PTCD3: variants seen among roughly 807,000 people sequenced by gnomAD.
PTCD3 encodes the protein pentatricopeptide repeat domain 3.
PTCD3 carries 89 observed loss-of-function variants against 101.9 expected under a neutral mutation model. That is an observed-to-expected ratio of 0.87 (90% confidence interval 0.74 to 1.04). The LOEUF (loss-of-function observed/expected upper bound fraction) is 1.04. Ranked by LOEUF, PTCD3 falls within the 50% of genes least tolerant of loss-of-function variation. The pLI is 0.00. For synonymous variants in PTCD3, 296 were observed against 278.5 expected (o/e 1.06, Z -0.63); for missense variants, 870 against 828.2 (o/e 1.05, Z -0.62).
Position 86,123,685 on chromosome 2 carries a change from T to C in PTCD3, c.655-16T>C. The C allele has an allele frequency of 6.4e-7, 1 of 1,571,894 alleles. No homozygotes were observed. The highest frequency in any genetic ancestry group is 1.4e-5 in the African/African-American group (1 of 73,190). ...TTGCCTTAACTTTTATTTCTTTTGA[T>C]GATTATTCATTTCAGGAAGAGGAAA... On this transcript the variant is annotated splice_polypyrimidine_tract_variant and intron_variant, in intron 8 of 23. Coordinates refer to ENST00000254630, the MANE Select transcript of PTCD3 (RefSeq NM_017952.6).
chr2:86,131,174 C>G, intron 16 of PTCD3, 68 bp downstream of exon 16: 1 of 1,230,464 alleles, frequency 8.1e-7, no homozygotes, highest in Non-Finnish European at 1.2e-6. Context: ...AGGGTTCTCC[C>G]TGGTTCTTTT....
intron 4 of PTCD3, among the ~76,000 whole-genome samples, chr2:86,114,494 T>C (rs557754669): frequency 6.6e-6 from 1 of 152,274 alleles, no homozygotes; most frequent in South Asian, 2.1e-4. Context: ...TTCACTGTGT[T>C]AGCCAGGATG....
Position 86,123,750 on chromosome 2 carries a change from G to T in PTCD3, c.704G>T (p.Gly235Val). 2.5e-6 allele frequency: 4 copies of T among 1,601,194 alleles called. No individual in the cohort carries two copies. The highest frequency in any genetic ancestry group is 3.4e-6 in the Non-Finnish European group (4 of 1,174,618). Residue 235 changes from glycine to valine, a missense_variant, in exon 9 of 24, where the codon GGA becomes GTA. Physicochemically the swap from Gly to Val is moderately radical, Grantham distance 109. Transcript: ENST00000254630. ...AGGAGGAAAGCTGGTCATCAGTTTG[G>T]AGTTACATGGCGGTATGTCACACGT... is the stretch of plus-strand genomic sequence containing the variant. ...TSRRKAGHQF[G>V]VTWRAKNNAE... is the part of the protein sequence containing the mutation.
At position 86,137,664 on chromosome 2, in the gene PTCD3, A is replaced by G; in HGVS notation, c.*105A>G. Reference sequence around the variant, plus strand: ...AACATTGTTACAAAGAAGAAAAGATACAGATTTGGTGAATTTGTTACTGTG... The same window carrying G: ...AACATTGTTACAAAGAAGAAAAGATGCAGATTTGGTGAATTTGTTACTGTG... On this transcript the variant is annotated 3_prime_UTR_variant, in exon 24 of 24. Coordinates refer to ENST00000254630, the MANE Select transcript of PTCD3 (RefSeq NM_017952.6). 6.6e-7 allele frequency: 1 copy of G among 1,517,628 alleles called. No homozygotes were observed. The highest frequency in any genetic ancestry group is 1.4e-5 in the African/African-American group (1 of 72,522). 94.0% of individuals were successfully genotyped at this position (1,517,628 alleles called of 1,614,324 possible).
chr2:86,106,983 C>A, intron 1 of PTCD3: 1 of 367,162 alleles, frequency 2.7e-6, no homozygotes, highest in South Asian at 2.1e-5. Flanking sequence ...TAGTGTTTGC[C>A]ATTCACTTAA....
chr2:86,109,120 G>C (rs190977203), intron 3 of PTCD3, among the ~76,000 whole-genome samples: 77 of 152,262 alleles, frequency 5.1e-4, no homozygotes, highest in African/African-American at 1.8e-3. Context: ...TAAAGACTCG[G>C]GTTCGCCAGG....
chr2:86,135,215 TTC>T (rs1482848674), intron 21 of PTCD3: 2 of 418,570 alleles, frequency 4.8e-6, no homozygotes, highest in Non-Finnish European at 8.4e-6. Context: ...TCTTTCTACT[TTC>T]TGTGTCTATG....
At chr2:86,125,234 A>G in intron 10 of PTCD3, 152 bp downstream of exon 10, 13 of 1,287,308 alleles carry the variant, frequency 1.0e-5, no homozygotes, top group Admixed American at 2.5e-5. Context: ...TACCCACTGG[A>G]TGTGAGTAGT....
In PTCD3 at chr2:86,139,948, T is replaced by G. The variant is rs541969999; in HGVS notation, c.*2389T>G. ...GTCAGAAACTAGACTTCTAGTTTGG[T>G]TCAACATTTGAGGGTTGTTTTATAG... On this transcript the variant is annotated 3_prime_UTR_variant, in exon 24 of 24. Transcript: ENST00000254630. 8 of 152,290 alleles carry G rather than the reference T, an allele frequency of 5.3e-5. No homozygotes were observed. In the East Asian group the frequency reaches 1.5e-3, roughly 29 times the overall value. 9.4% of individuals were successfully genotyped at this position (152,290 alleles called of 1,614,324 possible). A position where few individuals can be genotyped will look rare whatever the true frequency, so the allele number is the denominator to read the frequency against.
chr2:86,130,514 GCCT>G (rs1457947210), intron 14 of PTCD3, 131 bp from the exon 15 acceptor site: 1 of 1,349,334 alleles, frequency 7.4e-7, no homozygotes, highest in East Asian at 2.5e-5. Flanking sequence ...GCAAGCATTG[GCCT>G]CCACCCAGAT....
At chr2:86,107,811 G>A (rs544012708) in intron 1 of PTCD3, among the ~76,000 whole-genome samples, 1 of 152,312 alleles carries the variant, frequency 6.6e-6, no homozygotes, top group South Asian at 2.1e-4. Flanking sequence ...GGCAGTATCT[G>A]TATAGAAGCA....
chr2:86,110,830 G>A lies in PTCD3; in HGVS notation c.195-283G>A, dbSNP rs1490071846. 9.5e-6 allele frequency: 6 copies of A among 634,602 alleles called. No homozygotes were observed. The African/African-American group carries it at 1.1e-4, about 12-fold the overall frequency. The allele number at this position is 634,602 out of a possible 1,614,324, so 39.3% of individuals were successfully genotyped here. On this transcript the variant is annotated intron_variant, in intron 3 of 23. Coordinates refer to ENST00000254630, the MANE Select transcript of PTCD3 (RefSeq NM_017952.6). Reference sequence around the variant, plus strand: ...CATAGGAAAGTGGGTAGAGGAAGTAGGCCAGATAGTTTTATGAGGGCGGGA... The same window carrying A: ...CATAGGAAAGTGGGTAGAGGAAGTAAGCCAGATAGTTTTATGAGGGCGGGA...
chr2:86,106,291 G>A lies in PTCD3; in HGVS notation c.44G>A (p.Arg15Lys), dbSNP rs1330137016. 1.2e-6 allele frequency: 2 copies of A among 1,613,444 alleles called. No homozygotes were observed. Among genetic ancestry groups the A allele is most frequent in the Non-Finnish European group, 1.7e-6 (2 of 1,179,946 alleles). ...GTTCGCTGGCTGGGCCTCCGCAGCA[G>A]GCTTGGCCAGCCGCTGACGGGTCGG... ...SAVRWLGLRS[R>K]LGQPLTGRRA... is the part of the protein sequence containing the mutation. Residue 15 changes from arginine (R) to lysine (K), a missense_variant, in exon 1 of 24, where the codon AGG becomes AAG. By Grantham distance (26) the Arg-to-Lys change is conservative. Coordinates refer to ENST00000254630, the MANE Select transcript of PTCD3 (RefSeq NM_017952.6).
intron 7 of PTCD3, 93 bp from the exon 8 acceptor site, chr2:86,121,386 C>A: frequency 2.7e-6 from 2 of 735,672 alleles, no homozygotes; most frequent in East Asian, 2.6e-5. Context: ...CTGAAGACCA[C>A]CGCTAATATA....
chr2:86,130,477 T>C (rs1674475188), intron 14 of PTCD3, among the ~76,000 whole-genome samples, 171 bp from the exon 15 acceptor site: 1 of 152,184 alleles, frequency 6.6e-6, no homozygotes, highest in African/African-American at 2.4e-5. Flanking sequence ...AGAGAATTGC[T>C]CTCTGCAGGG....
At chr2:86,106,697 A>G (rs1673958118) in intron 1 of PTCD3, among the ~76,000 whole-genome samples, 1 of 152,224 alleles carries the variant, frequency 6.6e-6, no homozygotes, top group Non-Finnish European at 1.5e-5. Context: ...TAACCCAATC[A>G]GGAGGAGCGA....
Position 86,140,139 on chromosome 2 carries a change from T to G in PTCD3, c.*2580T>G, listed in dbSNP as rs1383366516. The G allele has an allele frequency of 1.3e-5, 2 of 148,732 alleles. No homozygotes were observed. The highest frequency in any genetic ancestry group is 3.0e-5 in the Non-Finnish European group (2 of 67,692). 9.2% of individuals were successfully genotyped at this position (148,732 alleles called of 1,614,324 possible). On this transcript the variant is annotated 3_prime_UTR_variant, in exon 24 of 24. Transcript: ENST00000254630. ...ACCTTAGTCATGTTGCTACTAAAAG[T>G]AGGGCATATGACCGCCTAAGAAACA...
At position 86,106,351 on chromosome 2, in the gene PTCD3, G is replaced by C; in HGVS notation, c.104G>C (p.Arg35Thr). The change falls in exon 1 of 24, where the codon AGA (arginine) becomes ACA (threonine). Residue 35 changes from arginine (R) to threonine (T), a missense_variant and splice_region_variant. Coordinates refer to ENST00000254630, the MANE Select transcript of PTCD3 (RefSeq NM_017952.6). ...AGLCEQARSC[R>T]FYSGSATLSK... ...TTGTGTGAACAGGCACGCAGCTGCAGGTAAGAGACGCTTAGGGTATCCGCG... is the reference window on the plus strand; with the variant it reads ...TTGTGTGAACAGGCACGCAGCTGCACGTAAGAGACGCTTAGGGTATCCGCG... The C allele has an allele frequency of 1.2e-6, 2 of 1,613,810 alleles. No individual in the cohort carries two copies. The highest frequency in any genetic ancestry group is 1.7e-6 in the Non-Finnish European group (2 of 1,179,878).
intron 3 of PTCD3, chr2:86,108,855 C>A: frequency 3.9e-6 from 1 of 257,036 alleles, no homozygotes; most frequent in Non-Finnish European, 7.3e-6. Flanking sequence ...AGGAAGTTCT[C>A]TCATATGATT....
Sources: gnomAD v4.1 joint callset for allele counts (sites outside exome capture counted in the v4.1 genomes callset) on GRCh38, gnomAD v4.1.1 for gene constraint, MANE v1.5 for transcripts, NCBI Gene and HGNC (gene_info 2026-07-23, HGNC 2026-07-21) for gene names.